Variants in ANKRD53 observed in about 807,000 individuals in gnomAD.
ANKRD53 encodes the protein ankyrin repeat domain 53, also known as ankyrin repeat domain-containing protein 53.
In ANKRD53, 27 loss-of-function variants were observed where a neutral mutation model predicts 30.1. The ratio of observed to expected loss-of-function variants is 0.90; its 90% CI spans 0.66 to 1.24. The LOEUF is 1.24. ANKRD53 is among the 50% of genes most tolerant of loss of function. The probability of loss-of-function intolerance (pLI) is 0.00; values close to 1 mark genes in which losing one functional copy is unlikely to be tolerated. For missense variants in ANKRD53, 682 were observed against 721.0 expected (o/e 0.95, Z 0.62); for synonymous variants, 286 against 295.4 (o/e 0.97, Z 0.33).
At chr2:70,984,189 C>T (rs1472349088) in intron 5 of ANKRD53, 10 of 1,614,080 alleles carry the variant, frequency 6.2e-6, no homozygotes, top group Admixed American at 1.7e-5. Flanking sequence ...TCTCCTATGG[C>T]AGGACATTTC....
chr2:70,980,676 T>C (rs1033259718), intron 3 of ANKRD53, among the ~76,000 whole-genome samples: 1 of 152,162 alleles, frequency 6.6e-6, no homozygotes, highest in African/African-American at 2.4e-5. Context: ...CTGGCCGCAG[T>C]GGCTCACGCC....
rs553614269 is a variant in ANKRD53 at position 70,980,357 on chromosome 2, C to A, written c.617+497C>A. Among the ~76,000 whole-genome samples the A allele has an allele frequency of 1.1e-4, 17 of 151,728 alleles. No homozygotes were observed. In the East Asian group the frequency reaches 1.9e-3, roughly 17 times the overall value. ...AAAAAAAGATTGGCCTTTAACAGAC[C>A]TAGTCTACATCCCAGCTCTGCAACT... On this transcript the variant is annotated intron_variant, in intron 3 of 5. Coordinates refer to ENST00000360589, the MANE Select transcript of ANKRD53 (RefSeq NM_001115116.2).
rs1160592371 is a variant in ANKRD53, at chr2:70,982,679, C to T, written c.885C>T (p.Asn295=). ...GCCAGCTGACCCTCATGGAGCACAA[C>T]TACCTGATTGAGTATCAAGTAAGGG... ...FKSQLTLMEH[N]YLIEYQKEHK... Residue 295 remains asparagine, a synonymous_variant, in exon 5 of 6, where the codon AAC becomes AAT. Transcript: ENST00000360589. The surrounding 1 kb of genome is among the most constrained non-coding windows in gnomAD (Gnocchi z 4.2). The T allele has an allele frequency of 1.9e-6, 3 of 1,614,006 alleles. No homozygotes were observed. Among genetic ancestry groups the T allele is most frequent in the Middle Eastern group, 3.3e-4 (2 of 6,084 alleles).
chr2:70,985,312 C>G lies in ANKRD53; in HGVS notation c.*12C>G, dbSNP rs769409340. 45 of 1,447,058 alleles carry G rather than the reference C, an allele frequency of 3.1e-5. No homozygotes were observed. Among genetic ancestry groups the G allele is most frequent in the Non-Finnish European group, 4.2e-5 (45 of 1,072,910 alleles). 89.6% of individuals were successfully genotyped at this position (1,447,058 alleles called of 1,614,324 possible). On this transcript the variant is annotated 3_prime_UTR_variant, in exon 6 of 6. Transcript: ENST00000360589. The stretch of plus-strand genomic sequence containing the variant: ...AAACCAACCCATAAAGTTATTATGG[C>G]TACCTCTCCCCCTGAGGCAGCCCAG...
In ANKRD53 at chr2:70,979,100, GCCCCTGCCCGACCTCGCAGACCACCT is replaced by G; in HGVS notation, c.176_201del (p.Pro59GlnfsTer22). ...TCCCCACTGCCCCGCCCTCCAGCCA[GCCCCTGCCCGACCTCGCAGACCACCT>G]CAGTGCGCAGGCGACTGCCCTCGCC... is the stretch of plus-strand genomic sequence containing the variant. On this transcript the variant is annotated frameshift_variant, in exon 2 of 6. Coordinates refer to ENST00000360589, the MANE Select transcript of ANKRD53 (RefSeq NM_001115116.2). LOFTEE classifies it high-confidence loss of function. 1 of 1,532,494 alleles carries G rather than the reference GCCCCTGCCCGACCTCGCAGACCACCT, an allele frequency of 6.5e-7. No homozygotes were observed. The highest frequency in any genetic ancestry group is 8.8e-7 in the Non-Finnish European group (1 of 1,137,456). The allele number at this position is 1,532,494 out of a possible 1,614,324, so 94.9% of individuals were successfully genotyped here.
rs1249782789 is a variant in ANKRD53 at position 70,984,858 on chromosome 2, C to T, written c.1151C>T (p.Thr384Ile). 4 of 1,551,462 alleles carry T rather than the reference C, an allele frequency of 2.6e-6. No homozygotes were observed. Among genetic ancestry groups the T allele is most frequent in the African/African-American group, 1.4e-5 (1 of 73,046 alleles). ...IYRKPTVKRP[T>I]MWNVSNNPAR... is the part of the protein sequence containing the mutation. ...AGGAAGCCCACGGTCAAGCGGCCCA[C>T]AATGTGGAATGTTAGCAACAACCCC... The change falls in exon 6 of 6, where the codon ACA becomes ATA. Residue 384 changes from threonine (T) to isoleucine (I), a missense_variant. Transcript: ENST00000360589.
upstream of ANKRD53, chr2:70,978,446 G>A (rs1264546832): frequency 1.5e-5 from 8 of 541,124 alleles, no homozygotes; most frequent in South Asian, 3.1e-5. The surrounding 1 kb of genome is among the most constrained non-coding windows in gnomAD (Gnocchi z 4.3). Context: ...GGAGCAGAGC[G>A]GCGGGTGGGG....
chr2:70,984,582 T>G lies in ANKRD53; in HGVS notation c.904-29T>G, dbSNP rs1219851723. On this transcript the variant is annotated intron_variant, in intron 5 of 5. Coordinates refer to ENST00000360589, the MANE Select transcript of ANKRD53 (RefSeq NM_001115116.2). Reference sequence around the variant, plus strand: ...AGAAGCAGAGGGCAGCAGTCCTCCATGACTCTCTTGTGCCCTCTGTTGTTG... The same window carrying G: ...AGAAGCAGAGGGCAGCAGTCCTCCAGGACTCTCTTGTGCCCTCTGTTGTTG... 6 of 1,607,018 alleles carry G rather than the reference T, an allele frequency of 3.7e-6. No individual in the cohort carries two copies. In the African/African-American group the frequency reaches 5.4e-5, roughly 14 times the overall value.
intron 5 of ANKRD53, chr2:70,984,367 G>A (rs376736656): frequency 1.8e-5 from 29 of 1,586,698 alleles, no homozygotes; most frequent in African/African-American, 8.2e-5. Flanking sequence ...TTTGGGAGAG[G>A]TGCTTTGTCT....
intron 5 of ANKRD53, chr2:70,984,141 C>T (rs782421390): frequency 1.2e-6 from 2 of 1,613,884 alleles, no homozygotes; most frequent in South Asian, 1.1e-5. Flanking sequence ...ATGCAGTGTG[C>T]ACTTCCCATT....
intron 3 of ANKRD53, among the ~76,000 whole-genome samples, chr2:70,980,318 CAAAAA>C (rs35991485): frequency 2.6e-5 from 2 of 76,208 alleles, no homozygotes; most frequent in Non-Finnish European, 2.7e-5. Flanking sequence ...TCCGTCTCAA[CAAAAA>C]AAAAAAAAAA....
chr2:70,984,478 C>A, intron 5 of ANKRD53, 133 bp from the exon 6 acceptor site: 1 of 1,525,564 alleles, frequency 6.6e-7, no homozygotes. Flanking sequence ...CTCAGACTTT[C>A]CCTCCCATCA....
Position 70,982,683 on chromosome 2 carries a change from C to T in ANKRD53, c.889C>T (p.Leu297=), listed in dbSNP as rs1670047179. The T allele has an allele frequency of 1.9e-6, 3 of 1,614,036 alleles. No individual in the cohort carries two copies. The highest frequency in any genetic ancestry group is 2.5e-6 in the Non-Finnish European group (3 of 1,179,988). Residue 297 remains leucine, a synonymous_variant, in exon 5 of 6, where the codon CTG becomes TTG. Coordinates refer to ENST00000360589, the MANE Select transcript of ANKRD53 (RefSeq NM_001115116.2). This position sits in a 1 kb window ranked among gnomAD's most constrained non-coding sequence, Gnocchi z 4.2. ...GCTGACCCTCATGGAGCACAACTAC[C>T]TGATTGAGTATCAAGTAAGGGGGAC... The part of the protein sequence containing the change: ...SQLTLMEHNY[L]IEYQKEHKIL...
At chr2:70,984,535 C>T in intron 5 of ANKRD53, 76 bp from the exon 6 acceptor site, 1 of 1,557,300 alleles carries the variant, frequency 6.4e-7, no homozygotes, top group Non-Finnish European at 8.7e-7. Context: ...CCGAAAGCTA[C>T]AGCCACAGGA....
At chr2:70,984,586 T>C (rs1553424290) in intron 5 of ANKRD53, 25 bp from the exon 6 acceptor site, 2 of 1,608,330 alleles carry the variant, frequency 1.2e-6, no homozygotes, top group Non-Finnish European at 1.7e-6. Flanking sequence ...CCTCCATGAC[T>C]CTCTTGTGCC....
In ANKRD53 at chr2:70,982,582, T is replaced by TA. The variant is rs1670043278; in HGVS notation, c.788_789insA (p.Lys264GlufsTer15). 6.2e-6 allele frequency: 10 copies of TA among 1,614,074 alleles called. No homozygotes were observed. Among genetic ancestry groups the TA allele is most frequent in the Non-Finnish European group, 8.5e-6 (10 of 1,179,980 alleles). ...CGCCCTGACCTTGGCACCAGGTTCT[T>TA]GAAGGATGCCATGTGGAAAAAGGAC... On this transcript the variant is annotated frameshift_variant, in exon 5 of 6. Transcript: ENST00000360589. LOFTEE classifies it high-confidence loss of function. This position sits in a 1 kb window ranked among gnomAD's most constrained non-coding sequence, Gnocchi z 4.2.
chr2:70,979,226 A>C lies in ANKRD53; in HGVS notation c.300A>C (p.Ala100=). 6.2e-7 allele frequency: 1 copy of C among 1,613,458 alleles called. No homozygotes were observed. Among genetic ancestry groups the C allele is most frequent in the Non-Finnish European group, 8.5e-7 (1 of 1,180,016 alleles). The change falls in exon 2 of 6, where the codon GCA becomes GCC. Residue 100 remains alanine (A), a synonymous_variant. Transcript: ENST00000360589. ...PSPSKESDQT[A]IDQTAIGSYY... is the part of the protein sequence containing the mutation. ...CCAGCAAGGAGTCCGACCAGACGGC[A>C]ATCGACCAGACGGCGATCGGGAGCT...
chr2:70,979,949 C>T, intron 3 of ANKRD53, 89 bp downstream of exon 3: 2 of 1,468,896 alleles, frequency 1.4e-6, no homozygotes, highest in South Asian at 2.4e-5. Flanking sequence ...GCAGGACAAG[C>T]AGAGGGGTTG....
Position 70,980,012 on chromosome 2 carries a change from T to G in ANKRD53, c.617+152T>G, listed in dbSNP as rs74548034. The stretch of plus-strand genomic sequence containing the variant: ...ATAAAGCAGTCAGGAATCCACATGG[T>G]GTAATAAAGAGACTGGGCTTTAGCC... On this transcript the variant is annotated intron_variant, in intron 3 of 5. Transcript: ENST00000360589. 1,092 of 914,124 alleles carry G rather than the reference T, an allele frequency of 1.2e-3. 8 individuals are homozygous for G. The African/African-American group carries it at 0.015, about 13-fold the overall frequency. The allele number at this position is 914,124 out of a possible 1,614,324, so 56.6% of individuals were successfully genotyped here.
Sources: allele counts gnomAD v4.1 joint callset (sites outside exome capture counted in the v4.1 genomes callset), GRCh38; gene constraint gnomAD v4.1.1; non-coding constraint Gnocchi (gnomAD v3.1); transcripts MANE v1.5; gene names NCBI Gene and HGNC (gene_info 2026-07-23, HGNC 2026-07-21).